KCNN2: variants seen among roughly 807,000 people sequenced by gnomAD.
The protein encoded by KCNN2 is potassium calcium-activated channel subfamily N member 2.
A neutral mutation model predicts 55.5 loss-of-function variants in KCNN2; 24 were observed. The ratio of observed to expected loss-of-function variants is 0.43; its 90% confidence interval spans 0.31 to 0.61. KCNN2 has a LOEUF of 0.61. Ranked by LOEUF, KCNN2 falls within the 20% of genes least tolerant of loss-of-function variation. The pLI is 0.08. For synonymous variants in KCNN2, 431 were observed against 336.1 expected (o/e 1.28, Z -3.09); for missense variants, 754 against 853.6 (o/e 0.88, Z 1.45).
At chr5:114,083,138 T>C (rs1472365731) in intron 1 of KCNN2, among the ~76,000 whole-genome samples, 1 of 152,130 alleles carries the variant, frequency 6.6e-6, no homozygotes, top group Non-Finnish European at 1.5e-5. Flanking sequence ...TTTGATTCTG[T>C]AGGATCTGTA....
At chr5:114,338,348 T>C (rs1041337482) in intron 2 of KCNN2, among the ~76,000 whole-genome samples, 5 of 152,148 alleles carry the variant, frequency 3.3e-5, no homozygotes, top group Admixed American at 3.3e-4. Context: ...TAGGGACAAA[T>C]AAATAGAATA....
At chr5:114,227,997 T>C (rs35347062) in intron 2 of KCNN2, among the ~76,000 whole-genome samples, 4 of 3,214 alleles carry the variant, frequency 1.2e-3, no homozygotes, top group East Asian at 0.017. Flanking sequence ...ATGATGACGA[T>C]GATGATGATG....
chr5:114,485,622 G>A (rs1265649853), intron 5 of KCNN2, among the ~76,000 whole-genome samples: 6 of 152,114 alleles, frequency 3.9e-5, no homozygotes, highest in East Asian at 1.9e-4. Flanking sequence ...TTACTTATAC[G>A]CAGTGCTGGC....
chr5:114,210,008 G>A (rs1401531957), intron 1 of KCNN2, among the ~76,000 whole-genome samples: 1 of 152,072 alleles, frequency 6.6e-6, no homozygotes, highest in Non-Finnish European at 1.5e-5. Flanking sequence ...CCTCATGTGC[G>A]TGTTCCTAGC....
chr5:114,444,490 T>G (rs7710366), intron 3 of KCNN2, among the ~76,000 whole-genome samples: 62,182 of 151,758 alleles, frequency 0.41, 14,667 homozygotes, highest in East Asian at 0.82. Flanking sequence ...GGGTGCAAGT[T>G]CAGGACAGCA....
intron 1 of KCNN2, among the ~76,000 whole-genome samples, chr5:114,177,634 C>CAT (rs150320554): frequency 0.88 from 133,254 of 151,462 alleles, 58,676 homozygotes; most frequent in East Asian, 0.94. Context: ...GTTCCTGAAA[C>CAT]AGATATTTAA....
intron 1 of KCNN2, among the ~76,000 whole-genome samples, chr5:114,186,044 T>G (rs1436484439): frequency 2.6e-5 from 4 of 152,200 alleles, no homozygotes; most frequent in Admixed American, 6.5e-5. Context: ...CTCTGCATCT[T>G]TCATGTTTCA....
intron 1 of KCNN2, among the ~76,000 whole-genome samples, chr5:114,202,377 G>A (rs1753690052): frequency 6.6e-6 from 1 of 151,210 alleles, no homozygotes; most frequent in Non-Finnish European, 1.5e-5. Flanking sequence ...CCTTTTTATT[G>A]TGAGAGTTCT....
At chr5:114,260,401 A>G (rs1755078984) in intron 2 of KCNN2, among the ~76,000 whole-genome samples, 1 of 152,130 alleles carries the variant, frequency 6.6e-6, no homozygotes, top group Non-Finnish European at 1.5e-5. Flanking sequence ...TTTGTCTGGG[A>G]TAGTTTTCCT....
chr5:114,223,645 G>A (rs575286703), intron 2 of KCNN2, among the ~76,000 whole-genome samples: 1 of 152,066 alleles, frequency 6.6e-6, no homozygotes, highest in Non-Finnish European at 1.5e-5. Context: ...TGTCAGCCAG[G>A]AATTGACAAC....
chr5:114,065,225 A>C (rs993229003), intron 1 of KCNN2, among the ~76,000 whole-genome samples: 1 of 152,152 alleles, frequency 6.6e-6, no homozygotes, highest in African/African-American at 2.4e-5. Context: ...CAAAAGAGGA[A>C]CTTAGCTTTC....
intron 2 of KCNN2, among the ~76,000 whole-genome samples, chr5:114,393,154 A>G (rs1171804038): frequency 1.3e-5 from 2 of 152,156 alleles, no homozygotes; most frequent in African/African-American, 4.8e-5. Context: ...TCCACATCAA[A>G]CACTGAGAGG....
chr5:114,106,851 C>A (rs1361705372), intron 1 of KCNN2, among the ~76,000 whole-genome samples: 1 of 151,948 alleles, frequency 6.6e-6, no homozygotes, highest in Non-Finnish European at 1.5e-5. Context: ...GTCTTAATAA[C>A]TTTTTATGAA....
At chr5:114,447,810 C>T (rs1395277389) in intron 3 of KCNN2, among the ~76,000 whole-genome samples, 7 of 152,216 alleles carry the variant, frequency 4.6e-5, no homozygotes, top group African/African-American at 9.7e-5. Context: ...CCACACTTTA[C>T]GAAGGGTGCG....
chr5:114,366,293 C>T (rs1268459080), intron 2 of KCNN2, among the ~76,000 whole-genome samples: 7 of 152,056 alleles, frequency 4.6e-5, no homozygotes, highest in African/African-American at 1.4e-4. Flanking sequence ...TCAACATAAA[C>T]GTTATAGAAT....
intron 2 of KCNN2, among the ~76,000 whole-genome samples, chr5:114,373,688 G>A (rs1457365175): frequency 2.0e-5 from 2 of 98,036 alleles, no homozygotes; most frequent in Admixed American, 1.3e-4. Flanking sequence ...CTGGCATGTG[G>A]TAAGGGCTAT....
At chr5:114,081,875 G>A (rs1397233725) in intron 1 of KCNN2, among the ~76,000 whole-genome samples, 3 of 152,058 alleles carry the variant, frequency 2.0e-5, no homozygotes, top group African/African-American at 7.2e-5. Context: ...TTCTAATAAA[G>A]GATTGATATC....
intron 2 of KCNN2, among the ~76,000 whole-genome samples, chr5:114,277,940 G>C (rs1755526812): frequency 6.6e-6 from 1 of 152,058 alleles, no homozygotes; most frequent in African/African-American, 2.4e-5. Flanking sequence ...GGAATTTTCA[G>C]CCTTTTTGCT....
intron 1 of KCNN2, among the ~76,000 whole-genome samples, chr5:114,091,632 A>T (rs1168999661): frequency 6.6e-6 from 1 of 152,310 alleles, no homozygotes. Flanking sequence ...TGAGTAATTT[A>T]TAAAGGAAAG....
Sources: gnomAD v4.1 joint callset for allele counts (sites outside exome capture counted in the v4.1 genomes callset) on GRCh38, gnomAD v4.1.1 for gene constraint, MANE v1.5 for transcripts, NCBI Gene and HGNC (gene_info 2026-07-23, HGNC 2026-07-21) for gene names.